Variants in CUX1 observed in about 807,000 individuals in gnomAD.
CUX1 encodes cut like homeobox 1.
In CUX1, 31 loss-of-function variants were observed where a neutral mutation model predicts 158.8. That is an observed-to-expected ratio of 0.20 (90% CI 0.15 to 0.26). The LOEUF is 0.26. CUX1 is among the 10% of genes least tolerant of loss of function. The pLI is 1.00. For synonymous variants in CUX1, 879 were observed against 862.1 expected (o/e 1.02, Z -0.34); for missense variants, 1,589 against 2,014.6 (o/e 0.79, Z 4.04).
intron 2 of CUX1, among the ~76,000 whole-genome samples, chr7:101,958,794 A>G (rs1485919209): frequency 1.3e-5 from 2 of 149,892 alleles, no homozygotes; most frequent in Non-Finnish European, 3.0e-5. Context: ...TTTTCACAGA[A>G]GCATGAAAAC....
chr7:102,078,040 TTCTC>T (rs1826967330), intron 4 of CUX1, among the ~76,000 whole-genome samples: 1 of 152,166 alleles, frequency 6.6e-6, no homozygotes. Flanking sequence ...CAAGTGTGAC[TTCTC>T]TGTTCCAGAA....
At chr7:102,124,651 G>T (rs1345995778) in intron 8 of CUX1, among the ~76,000 whole-genome samples, 3 of 152,188 alleles carry the variant, frequency 2.0e-5, no homozygotes, top group African/African-American at 7.2e-5. Flanking sequence ...GAAGAATGGT[G>T]GTTACCAGGG....
intron 20 of CUX1, chr7:102,281,009 C>T (rs536655419): frequency 1.4e-6 from 1 of 690,672 alleles, no homozygotes; most frequent in African/African-American, 1.8e-5. Flanking sequence ...CTCTCCCCTT[C>T]CCGGGCAGAT....
At chr7:102,216,308 A>G (rs1797033344) in intron 20 of CUX1, among the ~76,000 whole-genome samples, 1 of 151,876 alleles carries the variant, frequency 6.6e-6, no homozygotes, top group African/African-American at 2.4e-5. Flanking sequence ...GCAGAGCAAC[A>G]CCCCATCTCA....
intron 18 of CUX1, among the ~76,000 whole-genome samples, chr7:102,202,868 C>A: frequency 6.6e-6 from 1 of 152,190 alleles, no homozygotes; most frequent in East Asian, 1.9e-4. Flanking sequence ...AGCTTCTAGG[C>A]CTTTCTGTTC....
chr7:102,214,800 C>T (rs1440987840), intron 20 of CUX1, among the ~76,000 whole-genome samples: 1 of 152,234 alleles, frequency 6.6e-6, no homozygotes, highest in Non-Finnish European at 1.5e-5. Context: ...AGGCTTCCAT[C>T]GGGGCCTCCT....
intron 8 of CUX1, chr7:102,115,633 A>G (rs148034719): frequency 2.7e-4 from 52 of 189,524 alleles, no homozygotes; most frequent in African/African-American, 1.1e-3. Context: ...AGGGCCCTTT[A>G]GGAAGGCCTG....
At position 101,910,744 on chromosome 7, in the gene CUX1, C is replaced by CAA. The variant is rs77729111; in HGVS notation, c.31-5356_31-5355dup. 1.8e-3 allele frequency among the ~76,000 whole-genome samples: 192 copies of CAA among 106,144 alleles called. 2 individuals are homozygous for CAA. The highest frequency in any genetic ancestry group is 0.015 in the South Asian group (56 of 3,662). 69.6% of individuals were successfully genotyped at this position (106,144 alleles called of 152,430 possible). A position where few individuals can be genotyped will look rare whatever the true frequency, so the allele number is the denominator to read the frequency against. On this transcript the variant is annotated intron_variant, in intron 1 of 23. Coordinates refer to ENST00000292535, the MANE Select transcript of CUX1 (RefSeq NM_181552.4). ...CCTGGGCGACCGAGCAAGACTGTCT[C>CAA]AAAAAAAAAAAAAAAAGATGGGCAA... is the stretch of plus-strand genomic sequence containing the variant.
At chr7:102,273,481 G>A in exon 15 of CUX1, 1 of 1,611,270 alleles carries the variant, frequency 6.2e-7, no homozygotes, top group African/African-American at 1.3e-5. Context: ...CCATCCAGCG[G>A]CCCGATGCCG....
chr7:101,982,016 T>C (rs1238884605), intron 2 of CUX1, among the ~76,000 whole-genome samples: 1 of 152,052 alleles, frequency 6.6e-6, no homozygotes, highest in Non-Finnish European at 1.5e-5. Context: ...TGGCCTAAAA[T>C]AAGCAAGCAG....
Position 102,249,465 on chromosome 7 carries a change from T to G in CUX1, c.*423T>G. On this transcript the variant is annotated 3_prime_UTR_variant, in exon 24 of 24. Transcript: ENST00000292535. ...AGAAAACGGAAATGTGTGGTCGAGC[T>G]TTTTTGTACCCTGAAGTGTTTTTTT... 1.0e-5 allele frequency: 10 copies of G among 983,908 alleles called. No homozygotes were observed. Among genetic ancestry groups the G allele is most frequent in the Non-Finnish European group, 1.2e-5 (10 of 828,110 alleles). The allele number at this position is 983,908 out of a possible 1,614,324, so 60.9% of individuals were successfully genotyped here.
intron 2 of CUX1, among the ~76,000 whole-genome samples, chr7:101,981,950 G>A (rs114125304): frequency 0.013 from 1,967 of 152,238 alleles, 49 homozygotes; most frequent in African/African-American, 0.044. Flanking sequence ...GGGAGGTTTC[G>A]CTCAGCCACA....
intron 10 of CUX1, among the ~76,000 whole-genome samples, chr7:102,176,999 A>G (rs1380594353): frequency 6.6e-6 from 1 of 151,216 alleles, no homozygotes; most frequent in Non-Finnish European, 1.5e-5. Flanking sequence ...TATTTTCCAC[A>G]ATGAGCATTT....
chr7:102,160,797 T>C (rs1472398189), intron 9 of CUX1, among the ~76,000 whole-genome samples: 3 of 152,044 alleles, frequency 2.0e-5, no homozygotes, highest in African/African-American at 7.2e-5. Flanking sequence ...AGGAGGGAAA[T>C]ACGAAGTTGT....
At chr7:101,951,347 C>T (rs987175867) in intron 2 of CUX1, among the ~76,000 whole-genome samples, 2 of 151,574 alleles carry the variant, frequency 1.3e-5, no homozygotes, top group Non-Finnish European at 2.9e-5. Flanking sequence ...AAAAAAAATT[C>T]CTTTAGCAGC....
At position 102,169,379 on chromosome 7, in the gene CUX1, C is replaced by A. The variant is rs114795918; in HGVS notation, c.724-1067C>A. Among the ~76,000 whole-genome samples the A allele has an allele frequency of 7.6e-3, 1,163 of 152,296 alleles. 9 individuals are homozygous for A. Among genetic ancestry groups the A allele is most frequent in the African/African-American group, 0.027 (1,112 of 41,562 alleles). ...CCACCATGCCCAGCCTTTGGCCAGG[C>A]TTTTCTGATTGAATGTTTCTAGCAG... On this transcript the variant is annotated intron_variant, in intron 9 of 23. Transcript: ENST00000292535.
At chr7:102,205,959 G>A (rs1455742893) in intron 20 of CUX1, among the ~76,000 whole-genome samples, 1 of 152,140 alleles carries the variant, frequency 6.6e-6, no homozygotes, top group Non-Finnish European at 1.5e-5. Context: ...GGAACAGCCA[G>A]CACTGTGAGC....
At chr7:102,239,641 T>TC (rs1388385939) in intron 23 of CUX1, 57 bp downstream of exon 23, 1 of 1,554,018 alleles carries the variant, frequency 6.4e-7, no homozygotes, top group African/African-American at 1.4e-5. Context: ...GGCTGATCTG[T>TC]CCGGAGGCCG....
intron 3 of CUX1, among the ~76,000 whole-genome samples, chr7:102,036,378 T>C (rs1821423127): frequency 6.6e-6 from 1 of 152,182 alleles, no homozygotes; most frequent in South Asian, 2.1e-4. Flanking sequence ...GGAATTGCCC[T>C]ACCAGATTAT....
Sources: allele counts gnomAD v4.1 joint callset (sites outside exome capture counted in the v4.1 genomes callset), GRCh38; gene constraint gnomAD v4.1.1; transcripts MANE v1.5; gene names NCBI Gene and HGNC (gene_info 2026-07-23, HGNC 2026-07-21).